The following CDH4 variants were observed in gnomAD, a reference collection of about 807,000 sequenced individuals.
CDH4 encodes the protein cadherin 4.
A neutral mutation model predicts 86.0 loss-of-function variants in CDH4; 33 were observed. The observed-to-expected ratio is 0.38, with a 90% CI of 0.29 to 0.51. The LOEUF (loss-of-function observed/expected upper bound fraction) is 0.51. CDH4 is among the 20% of genes least tolerant of loss of function. The probability of loss-of-function intolerance (pLI) is 0.86; values close to 1 mark genes in which losing one functional copy is unlikely to be tolerated. For synonymous variants in CDH4, 555 were observed against 549.4 expected (o/e 1.01, Z -0.14); for missense variants, 1,114 against 1,307.4 (o/e 0.85, Z 2.28).
At chr20:61,565,127 GGTGCTGGTCCTCTTGGTGTTGGT>G (rs2086260775) in intron 2 of CDH4, among the ~76,000 whole-genome samples, 1 of 138,238 alleles carries the variant, frequency 7.2e-6, no homozygotes, top group Non-Finnish European at 1.6e-5. Flanking sequence ...TGCTCTTGGT[GGTGCTGGTCCTCTTGGTGTTGGT>G]AGTGGTCCTC....
At chr20:61,347,290 C>T (rs574056742) in intron 2 of CDH4, among the ~76,000 whole-genome samples, 12 of 152,308 alleles carry the variant, frequency 7.9e-5, no homozygotes, top group Middle Eastern at 3.4e-3. Context: ...TTACTAGTGG[C>T]GGCTGAGTCT....
chr20:61,608,397 A>T (rs1396401393), intron 2 of CDH4, among the ~76,000 whole-genome samples: 1 of 152,182 alleles, frequency 6.6e-6, no homozygotes, highest in Non-Finnish European at 1.5e-5. Flanking sequence ...CAGCCCACAA[A>T]GCATCCCTGT....
rs2085819855 is a variant in CDH4 at position 61,516,291 on chromosome 20, C to T, written c.170-227272C>T. ...ACAGGAGCAATCCATTCCTGTTCCT[C>T]TTCCTGCTCCTTCCTTACATCCCGT... On this transcript the variant is annotated intron_variant, in intron 2 of 15. Transcript: ENST00000614565. This position sits in a 1 kb window ranked among gnomAD's most constrained non-coding sequence, Gnocchi z 4.0. Among the ~76,000 whole-genome samples the T allele has an allele frequency of 6.6e-6, 1 of 152,200 alleles. No homozygotes were observed. Among genetic ancestry groups the T allele is most frequent in the Non-Finnish European group, 1.5e-5 (1 of 68,034 alleles).
In CDH4 at chr20:61,857,883, C is replaced by CTG. The variant is rs374986978; in HGVS notation, c.877+4999_877+5000dup. ...GTTTGACCTGCATTCATTGGTGTGT[C>CTG]TGTGTGTGTGTGTGTCTCTGTGTGC... On this transcript the variant is annotated intron_variant, in intron 6 of 15. Coordinates refer to ENST00000614565, the MANE Select transcript of CDH4 (RefSeq NM_001794.5). 5.9e-3 allele frequency among the ~76,000 whole-genome samples: 895 copies of CTG among 151,602 alleles called. 4 individuals are homozygous for CTG. Among genetic ancestry groups the CTG allele is most frequent in the Non-Finnish European group, 6.2e-3 (422 of 67,802 alleles).
intron 2 of CDH4, among the ~76,000 whole-genome samples, chr20:61,259,543 C>T (rs1036259913): frequency 2.6e-5 from 4 of 152,228 alleles, no homozygotes; most frequent in Non-Finnish European, 5.9e-5. Context: ...GTTTCCGAGT[C>T]GCTTTGGTTA....
chr20:61,802,117 G>C (rs1601003099), intron 4 of CDH4, among the ~76,000 whole-genome samples: 1 of 152,176 alleles, frequency 6.6e-6, no homozygotes, highest in Non-Finnish European at 1.5e-5. Context: ...TCTTATAAAC[G>C]AGGATGCCAA....
chr20:61,912,701 A>G (rs1233207431), intron 9 of CDH4, among the ~76,000 whole-genome samples: 1 of 152,224 alleles, frequency 6.6e-6, no homozygotes, highest in Admixed American at 6.5e-5. Context: ...CTTAGAGAAG[A>G]GGCAAAATAC....
At position 61,846,106 on chromosome 20, in the gene CDH4, G is replaced by A. The variant is rs532515423; in HGVS notation, c.732+1283G>A. On this transcript the variant is annotated intron_variant, in intron 5 of 15. Coordinates refer to ENST00000614565, the MANE Select transcript of CDH4 (RefSeq NM_001794.5). ...CCTCCCTGACAGCCCCTGAGGCACC[G>A]TCTGAAGCAGGGTCGGAGCTGGATG... Among the ~76,000 whole-genome samples the A allele has an allele frequency of 3.3e-5, 5 of 152,362 alleles. No homozygotes were observed. The South Asian group carries it at 8.3e-4, about 25-fold the overall frequency.
chr20:61,868,276 C>T (rs4300920), intron 6 of CDH4, among the ~76,000 whole-genome samples: 7,094 of 152,198 alleles, frequency 0.047, 583 homozygotes, highest in African/African-American at 0.16. Flanking sequence ...GGTACAGAGA[C>T]GCGGGAATGC....
At chr20:61,297,346 G>A (rs957489973) in intron 2 of CDH4, among the ~76,000 whole-genome samples, 2 of 152,164 alleles carry the variant, frequency 1.3e-5, no homozygotes, top group Non-Finnish European at 2.9e-5. Context: ...CCGAGATCGC[G>A]CCATTGTACT....
intron 2 of CDH4, among the ~76,000 whole-genome samples, chr20:61,467,034 T>G (rs951581133): frequency 6.6e-6 from 1 of 152,238 alleles, no homozygotes; most frequent in Non-Finnish European, 1.5e-5. Flanking sequence ...ATTTGCCATT[T>G]TATGTGTGTT....
chr20:61,929,575 C>T, intron 12 of CDH4, 34 bp from the exon 13 acceptor site: 1 of 1,533,384 alleles, frequency 6.5e-7, no homozygotes, highest in Non-Finnish European at 9.0e-7. Context: ...GAGGGCCGGG[C>T]TCTGGTTGAA....
At chr20:61,758,798 G>A (rs2088597058) in intron 3 of CDH4, among the ~76,000 whole-genome samples, 1 of 152,196 alleles carries the variant, frequency 6.6e-6, no homozygotes, top group Non-Finnish European at 1.5e-5. Context: ...TGTGCAGGCT[G>A]GGAGCTGAGA....
At chr20:61,779,662 G>A (rs983198307) in intron 4 of CDH4, among the ~76,000 whole-genome samples, 6 of 152,360 alleles carry the variant, frequency 3.9e-5, no homozygotes, top group East Asian at 3.9e-4. Flanking sequence ...TACTTACACC[G>A]TTCTATGTGA....
chr20:61,741,476 C>T (rs967735946), intron 2 of CDH4, among the ~76,000 whole-genome samples: 5 of 151,236 alleles, frequency 3.3e-5, no homozygotes, highest in East Asian at 1.9e-4. Flanking sequence ...CCTAAGATGT[C>T]ACCAAAGCTG....
chr20:61,285,086 T>TG (rs1217060168), intron 2 of CDH4, among the ~76,000 whole-genome samples: 2 of 129,872 alleles, frequency 1.5e-5, no homozygotes, highest in African/African-American at 6.4e-5. Flanking sequence ...TTTTTTTTTG[T>TG]TTGTTTGTTT....
chr20:61,608,088 C>T (rs1258306085), intron 2 of CDH4, among the ~76,000 whole-genome samples: 1 of 152,062 alleles, frequency 6.6e-6, no homozygotes, highest in Non-Finnish European at 1.5e-5. Context: ...TCTCCCCTCG[C>T]CCCCAGACCC....
chr20:61,929,123 C>T (rs1328630660), intron 12 of CDH4, among the ~76,000 whole-genome samples: 1 of 150,748 alleles, frequency 6.6e-6, no homozygotes, highest in African/African-American at 2.4e-5. Flanking sequence ...CTTCATCCTA[C>T]ATGTTGCAAT....
rs534092725 is a variant in CDH4 at position 61,652,295 on chromosome 20, G to A, written c.170-91268G>A. Among the ~76,000 whole-genome samples the A allele has an allele frequency of 2.6e-5, 4 of 152,160 alleles. No individual in the cohort carries two copies. The East Asian group carries it at 7.7e-4, about 29-fold the overall frequency. ...TCCACCCTCTTACTCCTTTGTATACGCAGCTATGTATGTGGTTTCGCTTAT... is the reference window on the plus strand; with the variant it reads ...TCCACCCTCTTACTCCTTTGTATACACAGCTATGTATGTGGTTTCGCTTAT... On this transcript the variant is annotated intron_variant, in intron 2 of 15. Coordinates refer to ENST00000614565, the MANE Select transcript of CDH4 (RefSeq NM_001794.5).
Sources: gnomAD v4.1 joint callset for allele counts (sites outside exome capture counted in the v4.1 genomes callset) on GRCh38, gnomAD v4.1.1 for gene constraint, Gnocchi (gnomAD v3.1) non-coding constraint, MANE v1.5 for transcripts, NCBI Gene and HGNC (gene_info 2026-07-23, HGNC 2026-07-21) for gene names.